Variants in UMAD1 observed in about 807,000 individuals in gnomAD.
The protein encoded by UMAD1 is UBAP1-MVB12-associated (UMA) domain containing 1, also known as UBAP1-MVB12-associated (UMA)-domain containing protein 1.
In UMAD1, 8 loss-of-function variants were observed where a neutral mutation model predicts 6.1. The observed-to-expected ratio is 1.30, with a 90% CI of 0.76 to 2.35. The LOEUF (loss-of-function observed/expected upper bound fraction) is 2.35, where lower values mean the gene tolerates loss of function less well. Among genes scored for constraint, UMAD1 ranks in the 30% most tolerant of loss-of-function variants. The pLI is 0.00. For missense variants in UMAD1, 130 were observed against 78.4 expected, an observed-to-expected ratio of 1.66 and a Z score of -2.49; for synonymous variants, 56 against 31.4, an observed-to-expected ratio of 1.78 and a Z score of -2.61.
At chr7:7,827,053 G>A (rs921237116) in intron 3 of UMAD1, among the ~76,000 whole-genome samples, 5 of 151,662 alleles carry the variant, frequency 3.3e-5, no homozygotes, top group Non-Finnish European at 7.4e-5. Context: ...GCATAGTGCT[G>A]TGCTCAGTGC....
At chr7:7,864,688 A>C (rs924656306) in intron 3 of UMAD1, among the ~76,000 whole-genome samples, 1 of 151,100 alleles carries the variant, frequency 6.6e-6, no homozygotes, top group Non-Finnish European at 1.5e-5. Flanking sequence ...TTTCTTATCC[A>C]TGTTGTAACA....
chr7:7,828,038 G>T (rs931682562), intron 3 of UMAD1, among the ~76,000 whole-genome samples: 40 of 152,236 alleles, frequency 2.6e-4, no homozygotes, highest in African/African-American at 9.1e-4. Context: ...TCAGGTTATT[G>T]GGTAATGTTT....
chr7:7,710,421 C>G (rs1050218809), intron 2 of UMAD1, among the ~76,000 whole-genome samples: 1 of 152,098 alleles, frequency 6.6e-6, no homozygotes, highest in African/African-American at 2.4e-5. Flanking sequence ...CATGAAGAGA[C>G]ATTTCACTGA....
At chr7:7,814,280 T>C (rs1336730231) in intron 3 of UMAD1, among the ~76,000 whole-genome samples, 6 of 152,154 alleles carry the variant, frequency 3.9e-5, no homozygotes, top group Non-Finnish European at 7.4e-5. Flanking sequence ...CACTGTCATA[T>C]TGCTTTTATA....
chr7:7,792,759 T>G (rs1782593043), intron 2 of UMAD1, among the ~76,000 whole-genome samples: 1 of 152,210 alleles, frequency 6.6e-6, no homozygotes, highest in South Asian at 2.1e-4. Flanking sequence ...ACAACAGAAA[T>G]TTATTTCTCG....
At chr7:7,786,898 G>A (rs1782471597) in intron 2 of UMAD1, among the ~76,000 whole-genome samples, 1 of 152,200 alleles carries the variant, frequency 6.6e-6, no homozygotes, top group Admixed American at 6.5e-5. Flanking sequence ...ACTGAGACAA[G>A]TTGATTTGAG....
intron 2 of UMAD1, among the ~76,000 whole-genome samples, chr7:7,710,853 C>A (rs1780740542): frequency 6.6e-6 from 1 of 152,112 alleles, no homozygotes; most frequent in South Asian, 2.1e-4. Flanking sequence ...TAATACTCAG[C>A]AAGAAGAAGT....
At chr7:7,677,811 C>G (rs1430717495) in intron 2 of UMAD1, among the ~76,000 whole-genome samples, 15 of 149,200 alleles carry the variant, frequency 1.0e-4, no homozygotes, top group African/African-American at 3.4e-4. Flanking sequence ...GTAGCTGGGA[C>G]TACAGGCGCC....
intron 1 of UMAD1, among the ~76,000 whole-genome samples, chr7:7,663,961 T>C (rs1414598420): frequency 6.6e-6 from 1 of 152,208 alleles, no homozygotes; most frequent in Non-Finnish European, 1.5e-5. Context: ...AAACAATTTT[T>C]CCTTCTACTG....
At chr7:7,796,686 G>A (rs748436932) in intron 2 of UMAD1, among the ~76,000 whole-genome samples, 13 of 152,186 alleles carry the variant, frequency 8.5e-5, no homozygotes, top group Non-Finnish European at 1.3e-4. Flanking sequence ...TCTTGGTGAA[G>A]AATTACTTAA....
At chr7:7,796,251 T>C (rs1395169278) in intron 2 of UMAD1, among the ~76,000 whole-genome samples, 6 of 123,278 alleles carry the variant, frequency 4.9e-5, no homozygotes, top group Middle Eastern at 3.6e-3. Flanking sequence ...TTTCTTTTTT[T>C]TTTTTTTTTT....
intron 2 of UMAD1, among the ~76,000 whole-genome samples, chr7:7,793,210 T>A (rs2115265815): frequency 2.0e-5 from 3 of 152,304 alleles, no homozygotes; most frequent in Middle Eastern, 6.8e-3. Flanking sequence ...ACAGCCTTAG[T>A]ATGTATCATT....
chr7:7,768,719 C>G (rs1483368003), intron 2 of UMAD1, among the ~76,000 whole-genome samples: 1 of 152,048 alleles, frequency 6.6e-6, no homozygotes, highest in Non-Finnish European at 1.5e-5. Context: ...AAAGTAGTGC[C>G]TGGTATATAT....
At chr7:7,858,513 A>G (rs1016633320) in intron 3 of UMAD1, among the ~76,000 whole-genome samples, 3 of 152,216 alleles carry the variant, frequency 2.0e-5, no homozygotes, top group Admixed American at 6.5e-5. Context: ...AACCATAGCA[A>G]TGATTTCTAG....
At chr7:7,713,005 C>T (rs1780805875) in intron 2 of UMAD1, among the ~76,000 whole-genome samples, 1 of 151,938 alleles carries the variant, frequency 6.6e-6, no homozygotes, top group African/African-American at 2.4e-5. Flanking sequence ...CCTATTGTGT[C>T]AATTTGGTAA....
chr7:7,785,830 A>G (rs1323514778), intron 2 of UMAD1, among the ~76,000 whole-genome samples: 1 of 152,206 alleles, frequency 6.6e-6, no homozygotes, highest in Non-Finnish European at 1.5e-5. Context: ...TAGGAGGAGA[A>G]GGTGAAAGGG....
At chr7:7,828,786 TCTCCCCACTA>T (rs1278529944) in intron 3 of UMAD1, among the ~76,000 whole-genome samples, 7 of 152,060 alleles carry the variant, frequency 4.6e-5, no homozygotes, top group Non-Finnish European at 1.5e-5. Context: ...CCAGTGGTAC[TCTCCCCACTA>T]CTTAGGAATT....
chr7:7,806,267 T>A (rs6950803), intron 3 of UMAD1, among the ~76,000 whole-genome samples: 67,971 of 151,186 alleles, frequency 0.45, 15,693 homozygotes, highest in Middle Eastern at 0.5. Flanking sequence ...ACTTCCCCCC[T>A]CTAAAATCCC....
At chr7:7,714,497 C>G (rs1228263199) in intron 2 of UMAD1, among the ~76,000 whole-genome samples, 3 of 152,170 alleles carry the variant, frequency 2.0e-5, no homozygotes, top group Non-Finnish European at 4.4e-5. Flanking sequence ...TAGAAATAAT[C>G]TATATAGTTT....
Sources: gnomAD v4.1 joint callset for allele counts (sites outside exome capture counted in the v4.1 genomes callset) on GRCh38, gnomAD v4.1.1 for gene constraint, MANE v1.5 for transcripts, NCBI Gene and HGNC (gene_info 2026-07-23, HGNC 2026-07-21) for gene names.